The following KCNH5 variants were observed in gnomAD, a reference collection of about 807,000 sequenced individuals.
The protein encoded by KCNH5 is potassium voltage-gated channel subfamily H member 5.
Under a neutral mutation model 96.1 loss-of-function variants are expected in KCNH5, and 46 were observed. The observed-to-expected ratio is 0.48, with a 90% CI of 0.38 to 0.61. The LOEUF (loss-of-function observed/expected upper bound fraction) is 0.61. Ranked by LOEUF, KCNH5 falls within the 20% of genes least tolerant of loss-of-function variation. The pLI is 0.00. For missense variants in KCNH5, 907 were observed against 1,225.8 expected (o/e 0.74, Z 3.88); for synonymous variants, 439 against 449.8 (o/e 0.98, Z 0.30).
At chr14:62,896,956 G>A (rs1438677154) in intron 7 of KCNH5, among the ~76,000 whole-genome samples, 2 of 152,092 alleles carry the variant, frequency 1.3e-5, no homozygotes, top group Non-Finnish European at 2.9e-5. Flanking sequence ...CCACATATGA[G>A]GAATATACAT....
At chr14:62,805,949 G>C (rs1332692158) in intron 8 of KCNH5, among the ~76,000 whole-genome samples, 1 of 152,152 alleles carries the variant, frequency 6.6e-6, no homozygotes, top group Non-Finnish European at 1.5e-5. Context: ...AAGCTACTGG[G>C]CTGCATTTCC....
chr14:62,888,748 G>A (rs1330112915), intron 7 of KCNH5, among the ~76,000 whole-genome samples: 1 of 152,028 alleles, frequency 6.6e-6, no homozygotes, highest in Non-Finnish European at 1.5e-5. Context: ...GACTTCCTAG[G>A]ATTGCAGAAA....
intron 7 of KCNH5, among the ~76,000 whole-genome samples, chr14:62,850,874 A>T (rs955632499): frequency 1.3e-5 from 2 of 152,176 alleles, no homozygotes; most frequent in Admixed American, 1.3e-4. Context: ...TTTCACAAGT[A>T]AGTAGACTCA....
At chr14:62,928,967 T>C (rs1316988638) in intron 7 of KCNH5, among the ~76,000 whole-genome samples, 1 of 152,090 alleles carries the variant, frequency 6.6e-6, no homozygotes, top group Non-Finnish European at 1.5e-5. Flanking sequence ...AGAATGTATG[T>C]GTCCAGCCAG....
At chr14:62,877,160 G>T (rs1295707070) in intron 7 of KCNH5, among the ~76,000 whole-genome samples, 1 of 151,882 alleles carries the variant, frequency 6.6e-6, no homozygotes, top group Non-Finnish European at 1.5e-5. Context: ...GCTGAAACTG[G>T]ATCCCTTCCT....
intron 8 of KCNH5, among the ~76,000 whole-genome samples, chr14:62,807,653 G>A (rs1044659097): frequency 4.6e-5 from 7 of 152,086 alleles, no homozygotes; most frequent in Non-Finnish European, 8.8e-5. Flanking sequence ...TGTGGAATTC[G>A]CCATGCCCCC....
chr14:63,020,526 T>C (rs186639916), intron 1 of KCNH5, among the ~76,000 whole-genome samples: 7 of 152,212 alleles, frequency 4.6e-5, no homozygotes, highest in African/African-American at 1.4e-4. Context: ...AAAAACATTA[T>C]AAAACAGCCA....
At chr14:62,738,939 G>A (rs556408405) in intron 10 of KCNH5, among the ~76,000 whole-genome samples, 13 of 152,232 alleles carry the variant, frequency 8.5e-5, no homozygotes, top group Non-Finnish European at 1.8e-4. Flanking sequence ...TAGAGATGGT[G>A]TTACTTTAGC....
rs117211658 is a variant in KCNH5 at position 63,003,911 on chromosome 14, C to T, written c.305-2452G>A. On this transcript the variant is annotated intron_variant, in intron 3 of 10. Coordinates refer to ENST00000322893, the MANE Select transcript of KCNH5 (RefSeq NM_139318.5). ...CTGAGATTACAGGTGTCAGCCACCG[C>T]GCCCGGCCAGAAAGAGCTATCTTAA... 9.1e-3 allele frequency among the ~76,000 whole-genome samples: 1,376 copies of T among 152,032 alleles called. 77 individuals carry two copies. The East Asian group carries it at 0.14, about 16-fold the overall frequency.
intron 1 of KCNH5, among the ~76,000 whole-genome samples, chr14:63,024,077 C>T (rs1230119294): frequency 1.3e-5 from 2 of 151,924 alleles, no homozygotes; most frequent in Non-Finnish European, 2.9e-5. Context: ...GGCATGGTGG[C>T]ACACGCCTGT....
intron 7 of KCNH5, among the ~76,000 whole-genome samples, chr14:62,891,080 A>T (rs1254715560): frequency 6.6e-6 from 1 of 152,186 alleles, no homozygotes; most frequent in Non-Finnish European, 1.5e-5. Context: ...ATTATAAATC[A>T]TTCTACCATA....
At chr14:62,794,373 G>C (rs963625724) in intron 9 of KCNH5, among the ~76,000 whole-genome samples, 1 of 151,466 alleles carries the variant, frequency 6.6e-6, no homozygotes, top group African/African-American at 2.4e-5. Context: ...CAAAATTCCT[G>C]TTAACCAGAG....
rs371041788 is a variant in KCNH5 at position 62,839,734 on chromosome 14, T to C, written c.1569+9919A>G. ...TATTTAATGAGTTATTAGTAGTTAA[T>C]AGATTAACTAGGTATTTGAATTCCC... On this transcript the variant is annotated intron_variant, in intron 8 of 10. Transcript: ENST00000322893. Among the ~76,000 whole-genome samples the C allele has an allele frequency of 6.6e-5, 10 of 152,346 alleles. 1 individual carries two copies. The highest frequency in any genetic ancestry group is 2.0e-4 in the Admixed American group (3 of 15,308).
chr14:62,788,942 T>A (rs1010398961), intron 9 of KCNH5, among the ~76,000 whole-genome samples: 21 of 152,260 alleles, frequency 1.4e-4, no homozygotes, highest in African/African-American at 5.1e-4. Context: ...ATTATGGTGG[T>A]CTGGTACCAA....
chr14:62,904,855 C>T (rs989576997), intron 7 of KCNH5, among the ~76,000 whole-genome samples: 2 of 152,268 alleles, frequency 1.3e-5, no homozygotes, highest in African/African-American at 2.4e-5. Flanking sequence ...TAAACCCTAC[C>T]ACCAATGTTA....
chr14:62,943,926 A>G (rs1429018050), intron 7 of KCNH5, among the ~76,000 whole-genome samples: 1 of 152,178 alleles, frequency 6.6e-6, no homozygotes, highest in Non-Finnish European at 1.5e-5. Context: ...CAAATATAGG[A>G]ACAAAGGATT....
intron 7 of KCNH5, among the ~76,000 whole-genome samples, chr14:62,853,488 A>ATATATATATATATATCATATATG (rs1353610930): frequency 7.1e-6 from 1 of 140,042 alleles, no homozygotes; most frequent in East Asian, 2.1e-4. Flanking sequence ...TATCATATAT[A>ATATATATATATATATCATATATG]TATATAATCT....
chr14:62,951,765 A>G (rs1381948509), intron 6 of KCNH5, among the ~76,000 whole-genome samples: 1 of 152,142 alleles, frequency 6.6e-6, no homozygotes, highest in Non-Finnish European at 1.5e-5. Context: ...GTTCAAGACC[A>G]GCCTGGCCAA....
At chr14:62,825,152 G>C (rs994096144) in intron 8 of KCNH5, among the ~76,000 whole-genome samples, 1 of 152,040 alleles carries the variant, frequency 6.6e-6, no homozygotes, top group Non-Finnish European at 1.5e-5. Flanking sequence ...TGGAATGGTA[G>C]TTCTGTTTTA....
Sources: gnomAD v4.1 joint callset for allele counts (sites outside exome capture counted in the v4.1 genomes callset) on GRCh38, gnomAD v4.1.1 for gene constraint, MANE v1.5 for transcripts, NCBI Gene and HGNC (gene_info 2026-07-23, HGNC 2026-07-21) for gene names.